The following ABTB2 variants were observed in gnomAD, a reference collection of about 807,000 sequenced individuals.
ABTB2 encodes the protein ankyrin repeat and BTB/POZ domain-containing protein 2.
Under a neutral mutation model 104.1 loss-of-function variants are expected in ABTB2, and 56 were observed. The ratio of observed to expected loss-of-function variants is 0.54; its 90% confidence interval spans 0.43 to 0.67. ABTB2 has a LOEUF of 0.67. ABTB2 is among the 30% of genes least tolerant of loss of function. ABTB2 has a pLI of 0.00. For missense variants in ABTB2, 1,279 were observed against 1,407.7 expected, an observed-to-expected ratio of 0.91 and a Z score of 1.46; for synonymous variants, 606 against 608.2, an observed-to-expected ratio of 1.00 and a Z score of 0.05.
intron 1 of ABTB2, among the ~76,000 whole-genome samples, chr11:34,263,638 G>C (rs1854214743): frequency 6.6e-6 from 1 of 152,160 alleles, no homozygotes; most frequent in Non-Finnish European, 1.5e-5. Context: ...AGCCAGCCAG[G>C]TGCAGCAGTG....
rs1246450763 is a variant in ABTB2 at position 34,173,138 on chromosome 11, T to G, written c.1397+17A>C. ...AGGTCATGGATGCCGGGGCCCTCCC[T>G]CCTCCCTGGTTCATACTTGAGCTGC... On this transcript the variant is annotated intron_variant, in intron 4 of 16. Coordinates refer to ENST00000435224, the MANE Select transcript of ABTB2 (RefSeq NM_145804.3). 6.2e-7 allele frequency: 1 copy of G among 1,613,394 alleles called. No individual in the cohort carries two copies. Among genetic ancestry groups the G allele is most frequent in the East Asian group, 2.2e-5 (1 of 44,866 alleles).
rs184887241 is a variant in ABTB2, at chr11:34,225,706, G to T, written c.884-21016C>A. Among the ~76,000 whole-genome samples the T allele has an allele frequency of 6.7e-3, 1,016 of 152,240 alleles. 11 individuals carry two copies. The highest frequency in any genetic ancestry group is 0.01 in the Non-Finnish European group (706 of 68,022). On this transcript the variant is annotated intron_variant, in intron 1 of 16. Coordinates refer to ENST00000435224, the MANE Select transcript of ABTB2 (RefSeq NM_145804.3). ...GGAGGCAGAGGTTGCGGTGAACCGA[G>T]ATCGCGCCATTGCACTCTAGCCTGG...
Position 34,225,929 on chromosome 11 carries a change from TGCGGTGGCTCAC to T in ABTB2, c.884-21251_884-21240del, listed in dbSNP as rs957596395. On this transcript the variant is annotated intron_variant, in intron 1 of 16. Coordinates refer to ENST00000435224, the MANE Select transcript of ABTB2 (RefSeq NM_145804.3). Reference sequence around the variant, plus strand: ...TTTTAGAAGCCGCTATCAAGCCAGGTGCGGTGGCTCACGCCTGTAATCCCAGCACTTTGGGAA... The same window carrying T: ...TTTTAGAAGCCGCTATCAAGCCAGGTGCCTGTAATCCCAGCACTTTGGGAA... 4.6e-5 allele frequency among the ~76,000 whole-genome samples: 7 copies of T among 151,322 alleles called. 1 individual carries two copies. Among genetic ancestry groups the T allele is most frequent in the Admixed American group, 2.0e-4 (3 of 15,216 alleles).
chr11:34,211,710 A>G (rs568560316), intron 1 of ABTB2, among the ~76,000 whole-genome samples: 1 of 152,020 alleles, frequency 6.6e-6, no homozygotes, highest in Admixed American at 6.6e-5. Flanking sequence ...CCTGTCCAAC[A>G]TGGTGAAAAT....
At chr11:34,275,939 C>A (rs982662750) in intron 1 of ABTB2, among the ~76,000 whole-genome samples, 2 of 152,166 alleles carry the variant, frequency 1.3e-5, no homozygotes, top group Non-Finnish European at 2.9e-5. Flanking sequence ...GGAAGTCACA[C>A]AACAGGGCCA....
At position 34,162,458 on chromosome 11, in the gene ABTB2, G is replaced by T. The variant is rs1590202946; in HGVS notation, c.2218+118C>A. 8 of 1,131,002 alleles carry T rather than the reference G, an allele frequency of 7.1e-6. No individual in the cohort carries two copies. The East Asian group carries it at 1.8e-4, about 25-fold the overall frequency. 70.1% of individuals were successfully genotyped at this position (1,131,002 alleles called of 1,614,324 possible). On this transcript the variant is annotated intron_variant, in intron 10 of 16. Coordinates refer to ENST00000435224, the MANE Select transcript of ABTB2 (RefSeq NM_145804.3). The stretch of plus-strand genomic sequence containing the variant: ...ACCCAGTCTGTGCTCAGCTGCCCTG[G>T]GGCTTGTCTGTCCCTGCAGGCCCTG...
intron 7 of ABTB2, among the ~76,000 whole-genome samples, chr11:34,166,636 A>G (rs543524306): frequency 1.6e-4 from 24 of 152,352 alleles, no homozygotes; most frequent in Non-Finnish European, 2.6e-4. Context: ...AACCCTGCGC[A>G]TGCCAGCGAT....
chr11:34,156,951 A>C (rs1210823640), intron 14 of ABTB2, among the ~76,000 whole-genome samples: 1 of 152,238 alleles, frequency 6.6e-6, no homozygotes, highest in South Asian at 2.1e-4. Context: ...TTTTAATTAC[A>C]ATGTATGCCT....
intron 1 of ABTB2, among the ~76,000 whole-genome samples, chr11:34,314,706 T>C (rs1360371114): frequency 6.6e-6 from 1 of 152,130 alleles, no homozygotes; most frequent in Non-Finnish European, 1.5e-5. Flanking sequence ...GGTGCCTGGA[T>C]CCTCTTAGAA....
At chr11:34,161,114 C>CACCACAGCTGAGCGCTCCCGGCACAG in intron 10 of ABTB2, 33 bp from the exon 11 acceptor site, 1 of 1,573,150 alleles carries the variant, frequency 6.4e-7, no homozygotes, top group Non-Finnish European at 8.6e-7. Flanking sequence ...GGCAGTCACG[C>CACCACAGCTGAGCGCTCCCGGCACAG]ACCACAGCTG....
intron 1 of ABTB2, among the ~76,000 whole-genome samples, chr11:34,247,222 AC>A (rs1853996366): frequency 6.6e-6 from 1 of 152,172 alleles, no homozygotes; most frequent in South Asian, 2.1e-4. Flanking sequence ...TGGTGGAGCC[AC>A]CGCTACAGGT....
intron 1 of ABTB2, among the ~76,000 whole-genome samples, chr11:34,256,304 C>T (rs1373531433): frequency 6.6e-6 from 1 of 152,082 alleles, no homozygotes; most frequent in Non-Finnish European, 1.5e-5. Flanking sequence ...TGTCTTTCTC[C>T]CCCCTCCCTT....
intron 14 of ABTB2, among the ~76,000 whole-genome samples, chr11:34,155,727 GGCCAAGGCCCACCCTGGAGATGTCA>G (rs1852616355): frequency 6.6e-6 from 1 of 152,160 alleles, no homozygotes; most frequent in South Asian, 2.1e-4. Context: ...AGGAGATGTT[GGCCAAGGCCCACCCTGGAGATGTCA>G]GCCTCTTCCC....
At chr11:34,225,481 C>T (rs4755362) in intron 1 of ABTB2, among the ~76,000 whole-genome samples, 91,689 of 152,054 alleles carry the variant, frequency 0.6, 27,979 homozygotes, top group Non-Finnish European at 0.66. Context: ...GCTAGCCAGG[C>T]GCGGTGGCTC....
chr11:34,304,731 G>A (rs1003329809), intron 1 of ABTB2, among the ~76,000 whole-genome samples: 10 of 152,000 alleles, frequency 6.6e-5, no homozygotes, highest in African/African-American at 2.4e-4. Context: ...GAGACTAAGA[G>A]GAGTCAAATA....
chr11:34,238,905 C>G (rs1283441141), intron 1 of ABTB2, among the ~76,000 whole-genome samples: 1 of 152,180 alleles, frequency 6.6e-6, no homozygotes, highest in Non-Finnish European at 1.5e-5. Flanking sequence ...AGGCGCGTGC[C>G]ACCACACCTG....
chr11:34,195,081 G>T (rs567195979), intron 3 of ABTB2, among the ~76,000 whole-genome samples: 1 of 102,522 alleles, frequency 9.8e-6, no homozygotes, highest in Non-Finnish European at 2.3e-5. Flanking sequence ...CCGGCGGGGG[G>T]GGGGAGTGGG....
chr11:34,347,459 G>T (rs1413170811), intron 1 of ABTB2, among the ~76,000 whole-genome samples: 1 of 152,154 alleles, frequency 6.6e-6, no homozygotes, highest in Non-Finnish European at 1.5e-5. Context: ...TAAAAATAAA[G>T]AAAGAAAGGA....
intron 1 of ABTB2, among the ~76,000 whole-genome samples, chr11:34,262,890 C>T (rs1781398330): frequency 6.6e-6 from 1 of 152,148 alleles, no homozygotes; most frequent in Non-Finnish European, 1.5e-5. Flanking sequence ...GCTGCCTAAA[C>T]ACTGCCCTGG....
Sources: gnomAD v4.1 joint callset for allele counts (sites outside exome capture counted in the v4.1 genomes callset) on GRCh38, gnomAD v4.1.1 for gene constraint, MANE v1.5 for transcripts, NCBI Gene and HGNC (gene_info 2026-07-23, HGNC 2026-07-21) for gene names.